The following CDH19 variants were observed in gnomAD, a reference collection of about 807,000 sequenced individuals.
CDH19 encodes the protein cadherin-19.
A neutral mutation model predicts 64.2 loss-of-function variants in CDH19; 67 were observed. That is an observed-to-expected ratio of 1.04 (90% CI 0.86 to 1.28). CDH19 has a LOEUF of 1.28. Among genes scored for constraint, CDH19 ranks in the 50% most tolerant of loss-of-function variants. The pLI, the probability that CDH19 is intolerant of heterozygous loss-of-function variation, is 0.00. For missense variants in CDH19, 1,030 were observed against 929.0 expected, an observed-to-expected ratio of 1.11 and a Z score of -1.41; for synonymous variants, 346 against 319.3, an observed-to-expected ratio of 1.08 and a Z score of -0.89.
At chr18:66,584,550 A>G (rs1343189752) in intron 1 of CDH19, among the ~76,000 whole-genome samples, 1 of 152,096 alleles carries the variant, frequency 6.6e-6, no homozygotes, top group Non-Finnish European at 1.5e-5. Flanking sequence ...TCATAATGAC[A>G]CATGCATTTT....
intron 8 of CDH19, among the ~76,000 whole-genome samples, chr18:66,532,037 G>A (rs925875100): frequency 6.6e-6 from 1 of 152,086 alleles, no homozygotes; most frequent in Non-Finnish European, 1.5e-5. Flanking sequence ...CAGGATCCCA[G>A]CTCACTGCAA....
chr18:66,504,778 T>A lies in CDH19; in HGVS notation c.*34A>T, dbSNP rs1478695548. 2 of 1,564,176 alleles carry A rather than the reference T, an allele frequency of 1.3e-6. No homozygotes were observed. Among genetic ancestry groups the A allele is most frequent in the African/African-American group, 1.4e-5 (1 of 73,206 alleles). ...GACTACCATTGGGTTCGAATACACA[T>A]TAGCACTTTTAAAAATTTTGATGGT... On this transcript the variant is annotated 3_prime_UTR_variant, in exon 12 of 12. Coordinates refer to ENST00000262150, the MANE Select transcript of CDH19 (RefSeq NM_021153.4).
intron 3 of CDH19, among the ~76,000 whole-genome samples, chr18:66,563,208 T>C (rs1987786603): frequency 6.6e-6 from 1 of 152,038 alleles, no homozygotes; most frequent in African/African-American, 2.4e-5. Flanking sequence ...AGCTTACATT[T>C]ATTATGGAAT....
intron 4 of CDH19, 106 bp from the exon 5 acceptor site, chr18:66,551,364 C>G (rs1054519565): frequency 3.0e-6 from 2 of 675,496 alleles, no homozygotes; most frequent in South Asian, 3.5e-5. Flanking sequence ...TATGTTGAAC[C>G]ACTGCAATGT....
intron 7 of CDH19, among the ~76,000 whole-genome samples, chr18:66,536,480 A>C (rs1234291931): frequency 1.3e-5 from 2 of 151,822 alleles, no homozygotes; most frequent in Non-Finnish European, 3.0e-5. Flanking sequence ...GTTATTTTGA[A>C]TTAAACATCT....
rs1987986830 is a variant in CDH19 at position 66,568,448 on chromosome 18, T to C, written c.458A>G (p.Tyr153Cys). The change falls in exon 3 of 12, where the codon TAT (tyrosine) becomes TGT (cysteine). Residue 153 changes from tyrosine (Y) to cysteine (C), a missense_variant. Coordinates refer to ENST00000262150, the MANE Select transcript of CDH19 (RefSeq NM_021153.4). ...DNEPKFLDEP[Y>C]EAIVPEMSPE... ...AGACATCTCTGGTACAATGGCCTCA[T>C]AAGGTTCATCTAGGAATTTTGGTTC... 6.2e-7 allele frequency: 1 copy of C among 1,611,770 alleles called. No homozygotes were observed. The highest frequency in any genetic ancestry group is 8.5e-7 in the Non-Finnish European group (1 of 1,178,566).
Position 66,505,140 on chromosome 18 carries a change from A to G in CDH19, c.1991T>C (p.Ile664Thr). 3 of 1,613,568 alleles carry G rather than the reference A, an allele frequency of 1.9e-6. No homozygotes were observed. The highest frequency in any genetic ancestry group is 2.5e-6 in the Non-Finnish European group (3 of 1,179,718). Residue 664 changes from isoleucine (I) to threonine (T), a missense_variant, in exon 12 of 12, where the codon ATA becomes ACA. Physicochemically the swap from Ile to Thr is moderately conservative, Grantham distance 89 (BLOSUM62 -1). Coordinates refer to ENST00000262150, the MANE Select transcript of CDH19 (RefSeq NM_021153.4). ...TTTCCGAGTCTTGCGTTCCCGCATT[A>G]TGGTACTACTCCTCAGCTCTGCTAT... ...FDIAELRSST[I>T]MRERKTRKTT...
intron 9 of CDH19, among the ~76,000 whole-genome samples, chr18:66,518,569 A>G (rs1985841509): frequency 6.6e-6 from 1 of 152,116 alleles, no homozygotes; most frequent in African/African-American, 2.4e-5. Flanking sequence ...CTTAGCATCA[A>G]ATGAAAAGTT....
At chr18:66,556,685 T>C (rs933927463) in intron 3 of CDH19, among the ~76,000 whole-genome samples, 2 of 151,900 alleles carry the variant, frequency 1.3e-5, no homozygotes, top group African/African-American at 4.8e-5. Flanking sequence ...AAGGGATTTA[T>C]TTAAGAGAAC....
rs1376434321 is a variant in CDH19, at chr18:66,585,340, T to C, written c.-112-13024A>G. ...TTTCGGGTTATTTTCCCAAATAGTT[T>C]GAGATGGAATGTTCTAAAGACAGTT... On this transcript the variant is annotated intron_variant, in intron 1 of 11. Transcript: ENST00000262150. 3.3e-5 allele frequency among the ~76,000 whole-genome samples: 5 copies of C among 152,070 alleles called. No homozygotes were observed. The East Asian group carries it at 7.7e-4, about 23-fold the overall frequency.
chr18:66,597,449 A>G (rs995087254), intron 1 of CDH19, among the ~76,000 whole-genome samples: 1 of 152,158 alleles, frequency 6.6e-6, no homozygotes, highest in African/African-American at 2.4e-5. Context: ...CATATAAAAA[A>G]ATCAGTACAG....
At chr18:66,505,686 A>G in intron 11 of CDH19, among the ~76,000 whole-genome samples, 1 of 151,154 alleles carries the variant, frequency 6.6e-6, no homozygotes, top group East Asian at 1.9e-4. Flanking sequence ...TGCAACCTGA[A>G]TGCGTTTGTC....
At chr18:66,564,733 T>A (rs921251960) in intron 3 of CDH19, among the ~76,000 whole-genome samples, 1 of 151,974 alleles carries the variant, frequency 6.6e-6, no homozygotes, top group Admixed American at 6.6e-5. Context: ...GTTTTCCACG[T>A]AATGTGACTG....
At position 66,504,557 on chromosome 18, in the gene CDH19, T is replaced by C; in HGVS notation, c.*255A>G. The C allele has an allele frequency of 2.8e-6, 1 of 359,444 alleles. No homozygotes were observed. Among genetic ancestry groups the C allele is most frequent in the Non-Finnish European group, 5.0e-6 (1 of 198,298 alleles). The allele number at this position is 359,444 out of a possible 1,614,324, so 22.3% of individuals were successfully genotyped here. On this transcript the variant is annotated 3_prime_UTR_variant, in exon 12 of 12. Coordinates refer to ENST00000262150, the MANE Select transcript of CDH19 (RefSeq NM_021153.4). ...TGTCCTCTCATCTACTTTTAATATC[T>C]TCCTAAATTATTTTACTTCAAATCT...
intron 2 of CDH19, among the ~76,000 whole-genome samples, chr18:66,570,315 CAG>C (rs1015375632): frequency 1.3e-5 from 2 of 151,558 alleles, no homozygotes; most frequent in African/African-American, 4.8e-5. Context: ...TAAGGGAAGA[CAG>C]AAACAAAAAC....
At chr18:66,558,419 A>T (rs912167078) in intron 3 of CDH19, among the ~76,000 whole-genome samples, 2 of 151,726 alleles carry the variant, frequency 1.3e-5, no homozygotes, top group Non-Finnish European at 2.9e-5. Flanking sequence ...AACACAGTTT[A>T]AGCAATTTTA....
At chr18:66,562,090 G>A (rs1298147514) in intron 3 of CDH19, among the ~76,000 whole-genome samples, 2 of 151,896 alleles carry the variant, frequency 1.3e-5, no homozygotes, top group Non-Finnish European at 2.9e-5. Context: ...TTGGCACCAG[G>A]GACCAGTTTC....
intron 1 of CDH19, among the ~76,000 whole-genome samples, chr18:66,587,488 A>G (rs951229069): frequency 2.6e-5 from 4 of 151,972 alleles, no homozygotes; most frequent in Admixed American, 6.6e-5. Flanking sequence ...TAAAACAAAT[A>G]AAAAAAAGAA....
At chr18:66,597,320 T>C (rs925832203) in intron 1 of CDH19, among the ~76,000 whole-genome samples, 2 of 151,974 alleles carry the variant, frequency 1.3e-5, no homozygotes, top group Non-Finnish European at 2.9e-5. Flanking sequence ...CACAACCATC[T>C]GATCTTCGAT....
Sources: gnomAD v4.1 joint callset for allele counts (sites outside exome capture counted in the v4.1 genomes callset) on GRCh38, gnomAD v4.1.1 for gene constraint, MANE v1.5 for transcripts, NCBI Gene and HGNC (gene_info 2026-07-23, HGNC 2026-07-21) for gene names.